The following PCDHGB6 variants were observed in gnomAD, a reference collection of about 807,000 sequenced individuals.
The protein encoded by PCDHGB6 is protocadherin gamma subfamily B, 6.
Under a neutral mutation model 59.1 loss-of-function variants are expected in PCDHGB6, and 51 were observed. That is an observed-to-expected ratio of 0.86 (90% CI 0.69 to 1.09). The LOEUF is 1.09. PCDHGB6 is among the 50% of genes least tolerant of loss of function. The pLI is 0.00. For synonymous variants in PCDHGB6, 466 were observed against 495.1 expected (o/e 0.94, Z 0.78); for missense variants, 1,148 against 1,205.1 (o/e 0.95, Z 0.70).
intron 1 of PCDHGB6, chr5:141,413,353 C>A (rs2095629361): frequency 6.2e-7 from 1 of 1,613,962 alleles, no homozygotes; most frequent in East Asian, 2.2e-5. Context: ...GGGTCTGGCG[C>A]CCCGGGAGCT....
chr5:141,466,285 C>A (rs1271958613), intron 1 of PCDHGB6, among the ~76,000 whole-genome samples: 1 of 152,148 alleles, frequency 6.6e-6, no homozygotes, highest in African/African-American at 2.4e-5. Context: ...ATCTTCCCAC[C>A]TCAGGCTCCC....
At chr5:141,455,984 G>A (rs1405675950) in intron 1 of PCDHGB6, among the ~76,000 whole-genome samples, 2 of 151,492 alleles carry the variant, frequency 1.3e-5, no homozygotes, top group East Asian at 1.9e-4. Context: ...TGCAAGCTCC[G>A]CCTCTCGGGT....
chr5:141,409,621 A>G lies in PCDHGB6; in HGVS notation c.1419A>G (p.Gln473=). The G allele has an allele frequency of 6.2e-7, 1 of 1,613,852 alleles. No homozygotes were observed. The highest frequency in any genetic ancestry group is 8.5e-7 in the Non-Finnish European group (1 of 1,179,868). ...ACCCGCCAGGAGCCTCCATTGCGCA[A>G]GTGAGCGCCTCTGACCCGGATTTGG... The part of the protein sequence containing the change: ...ENNPPGASIA[Q]VSASDPDLGL... Residue 473 remains glutamine, a synonymous_variant, in exon 1 of 4, where the codon CAA becomes CAG. Coordinates refer to ENST00000520790, the MANE Select transcript of PCDHGB6 (RefSeq NM_018926.3).
chr5:141,490,181 G>T lies in PCDHGB6; in HGVS notation c.2419-4626G>T, dbSNP rs755899660. ...GGTCCCATAGACTTTGAGGAGTCAC[G>T]TTTCTATGAAATTCATGCAAGAGCC... is the stretch of plus-strand genomic sequence containing the variant. On this transcript the variant is annotated intron_variant, in intron 1 of 3. Coordinates refer to ENST00000520790, the MANE Select transcript of PCDHGB6 (RefSeq NM_018926.3). The surrounding 1 kb of genome is among the most constrained non-coding windows in gnomAD (Gnocchi z 5.4). The T allele has an allele frequency of 6.2e-7, 1 of 1,614,200 alleles. No individual in the cohort carries two copies. The highest frequency in any genetic ancestry group is 8.5e-7 in the Non-Finnish European group (1 of 1,180,030).
intron 1 of PCDHGB6, among the ~76,000 whole-genome samples, chr5:141,455,204 T>G (rs1173402170): frequency 6.6e-6 from 1 of 152,052 alleles, no homozygotes; most frequent in Admixed American, 6.6e-5. Context: ...TTACAACCAA[T>G]AAGAGTTTTT....
intron 1 of PCDHGB6, chr5:141,417,885 G>T (rs761442517): frequency 3.8e-6 from 6 of 1,562,926 alleles, no homozygotes; most frequent in South Asian, 1.2e-5. Context: ...GCGCAGAGGC[G>T]CCGGGCCGGC....
chr5:141,498,807 C>T (rs113587634), intron 2 of PCDHGB6, among the ~76,000 whole-genome samples: 5,552 of 152,138 alleles, frequency 0.036, 136 homozygotes, highest in South Asian at 0.073. Context: ...GTGGTGCACA[C>T]CTGTAGTCCC....
rs758216933 is a variant in PCDHGB6 at position 141,487,377 on chromosome 5, C to A, written c.2419-7430C>A. The A allele has an allele frequency of 2.5e-6, 4 of 1,614,190 alleles. No individual in the cohort carries two copies. In the South Asian group the frequency reaches 3.3e-5, roughly 13 times the overall value. On this transcript the variant is annotated intron_variant, in intron 1 of 3. Transcript: ENST00000520790. This position sits in a 1 kb window ranked among gnomAD's most constrained non-coding sequence, Gnocchi z 5.0. ...CCTGCTGGCACCTGTGCCTGTCTCA[C>A]CAGATCTCGAAGGAGGGAGGGGCTT...
chr5:141,448,338 T>A (rs1053822287), intron 1 of PCDHGB6, among the ~76,000 whole-genome samples: 1 of 152,192 alleles, frequency 6.6e-6, no homozygotes, highest in African/African-American at 2.4e-5. Context: ...TATAGCCATG[T>A]ACCTCAATCT....
intron 1 of PCDHGB6, among the ~76,000 whole-genome samples, chr5:141,465,443 C>T (rs979024871): frequency 6.6e-6 from 1 of 152,158 alleles, no homozygotes; most frequent in Non-Finnish European, 1.5e-5. Flanking sequence ...AATGATTACC[C>T]AAGAAAACTC....
At chr5:141,441,494 ACCAGG>A (rs1325946941) in intron 1 of PCDHGB6, 1 of 170,360 alleles carries the variant, frequency 5.9e-6, no homozygotes, top group Non-Finnish European at 1.3e-5. Flanking sequence ...CTGGTTTTCT[ACCAGG>A]CCTCCTACGT....
chr5:141,500,871 T>C (rs2154592764), intron 2 of PCDHGB6, among the ~76,000 whole-genome samples: 1 of 135,840 alleles, frequency 7.4e-6, no homozygotes, highest in African/African-American at 3.0e-5. Context: ...TACACATTCA[T>C]TTACAATTTT....
chr5:141,433,067 T>C, intron 1 of PCDHGB6: 3 of 1,614,144 alleles, frequency 1.9e-6, no homozygotes, highest in Non-Finnish European at 2.5e-6. Context: ...TCACCTGATC[T>C]TCCCCCAGCC....
rs1561858566 is a variant in PCDHGB6 at position 141,432,177 on chromosome 5, C to G, written c.2418+21557C>G. ...AATCCCAGAGGAGTTTCCCTCGTCTCTGTGACCGCCCACGACCCCGACTGT... is the reference window on the plus strand; with the variant it reads ...AATCCCAGAGGAGTTTCCCTCGTCTGTGTGACCGCCCACGACCCCGACTGT... On this transcript the variant is annotated intron_variant, in intron 1 of 3. Transcript: ENST00000520790. This position sits in a 1 kb window ranked among gnomAD's most constrained non-coding sequence, Gnocchi z 6.0. The G allele has an allele frequency of 6.2e-7, 1 of 1,614,220 alleles. No homozygotes were observed. Among genetic ancestry groups the G allele is most frequent in the Admixed American group, 1.7e-5 (1 of 60,032 alleles).
chr5:141,496,916 T>C (rs1252437822), intron 2 of PCDHGB6, among the ~76,000 whole-genome samples: 4 of 148,274 alleles, frequency 2.7e-5, no homozygotes, highest in African/African-American at 9.9e-5. Context: ...CTGGGCACTG[T>C]GGTTCACGCC....
At chr5:141,504,991 G>A (rs896449285) in intron 2 of PCDHGB6, among the ~76,000 whole-genome samples, 44 of 152,034 alleles carry the variant, frequency 2.9e-4, no homozygotes, top group Admixed American at 2.6e-3. Context: ...GTGAAACCCC[G>A]TCTGTACTAA....
Position 141,425,378 on chromosome 5 carries a change from C to T in PCDHGB6, c.2418+14758C>T, listed in dbSNP as rs372445707. Among the ~76,000 whole-genome samples the T allele has an allele frequency of 1.6e-4, 25 of 152,174 alleles. 1 individual carries two copies. The highest frequency in any genetic ancestry group is 3.9e-4 in the African/African-American group (16 of 41,522). On this transcript the variant is annotated intron_variant, in intron 1 of 3. Transcript: ENST00000520790. ...TGATATTAAGAGGGTTATGTTGATTCGGAGGTAGTGATAAAGTTCTGTTAA... is the reference window on the plus strand; with the variant it reads ...TGATATTAAGAGGGTTATGTTGATTTGGAGGTAGTGATAAAGTTCTGTTAA...
At chr5:141,415,189 A>G (rs575244490) in intron 1 of PCDHGB6, 2 of 1,613,958 alleles carry the variant, frequency 1.2e-6, no homozygotes, top group Non-Finnish European at 1.7e-6. Context: ...GGCCGACAGC[A>G]TCCCCCAAGT....
chr5:141,499,401 C>A lies in PCDHGB6; in HGVS notation c.2477+4536C>A, dbSNP rs115575614. ...TTCCACTTATAAAATAGTACATGCTCATTATAGAAACATGAAAAATAGAAA... is the reference window on the plus strand; with the variant it reads ...TTCCACTTATAAAATAGTACATGCTAATTATAGAAACATGAAAAATAGAAA... On this transcript the variant is annotated intron_variant, in intron 2 of 3. Coordinates refer to ENST00000520790, the MANE Select transcript of PCDHGB6 (RefSeq NM_018926.3). Among the ~76,000 whole-genome samples, 871 of 152,186 alleles carry A rather than the reference C, an allele frequency of 5.7e-3. 5 individuals are homozygous for A. Among genetic ancestry groups the A allele is most frequent in the African/African-American group, 0.02 (847 of 41,502 alleles).
Sources: gnomAD v4.1 joint callset for allele counts (sites outside exome capture counted in the v4.1 genomes callset) on GRCh38, gnomAD v4.1.1 for gene constraint, Gnocchi (gnomAD v3.1) non-coding constraint, MANE v1.5 for transcripts, NCBI Gene and HGNC (gene_info 2026-07-23, HGNC 2026-07-21) for gene names.